Variants in PDE4D observed in about 807,000 individuals in gnomAD.
The protein encoded by PDE4D is phosphodiesterase 4D, also known as 3',5'-cyclic-AMP phosphodiesterase 4D.
In PDE4D, 24 loss-of-function variants were observed where a neutral mutation model predicts 87.4. The observed-to-expected ratio is 0.27, with a 90% CI of 0.20 to 0.39. The LOEUF (loss-of-function observed/expected upper bound fraction) is 0.39, where lower values mean the gene tolerates loss of function less well. PDE4D is among the 10% of genes least tolerant of loss of function. The pLI, the probability that PDE4D is intolerant of heterozygous loss-of-function variation, is 1.00. For missense variants in PDE4D, 714 were observed against 1,041.0 expected, an observed-to-expected ratio of 0.69 and a Z score of 4.32; for synonymous variants, 384 against 383.2, an observed-to-expected ratio of 1.00 and a Z score of -0.02.
At chr5:60,046,282 T>A (rs983392285) in intron 2 of PDE4D, among the ~76,000 whole-genome samples, 3 of 152,154 alleles carry the variant, frequency 2.0e-5, no homozygotes, top group Non-Finnish European at 4.4e-5. Flanking sequence ...ACAATGGGGT[T>A]TTCTAGATAT....
intron 1 of PDE4D, among the ~76,000 whole-genome samples, chr5:59,426,088 G>A (rs1359951138): frequency 3.3e-5 from 5 of 152,094 alleles, no homozygotes; most frequent in Non-Finnish European, 5.9e-5. Flanking sequence ...CGATGCCTGC[G>A]CACAGAGGAA....
At chr5:59,438,560 T>C (rs1349789238) in intron 1 of PDE4D, among the ~76,000 whole-genome samples, 1 of 152,232 alleles carries the variant, frequency 6.6e-6, no homozygotes, top group Non-Finnish European at 1.5e-5. Context: ...CTGAATAGTA[T>C]ACAGCTATTG....
At chr5:59,051,238 T>C (rs368887389) in intron 5 of PDE4D, among the ~76,000 whole-genome samples, 1 of 152,206 alleles carries the variant, frequency 6.6e-6, no homozygotes, top group Admixed American at 6.5e-5. Flanking sequence ...CAGGTGTGTG[T>C]GGCACATGTC....
chr5:59,001,623 T>A (rs756317212), intron 6 of PDE4D, among the ~76,000 whole-genome samples: 162 of 152,132 alleles, frequency 1.1e-3, no homozygotes, highest in Non-Finnish European at 5.6e-4. Flanking sequence ...CCTACTACTC[T>A]CCCTCAACTC....
At chr5:59,233,280 T>G (rs1755652101) in intron 1 of PDE4D, among the ~76,000 whole-genome samples, 1 of 152,202 alleles carries the variant, frequency 6.6e-6, no homozygotes, top group Non-Finnish European at 1.5e-5. Flanking sequence ...TATCCCATTA[T>G]CCTATGTACA....
chr5:59,603,299 C>A (rs954064661), intron 1 of PDE4D, among the ~76,000 whole-genome samples: 1 of 151,836 alleles, frequency 6.6e-6, no homozygotes, highest in African/African-American at 2.4e-5. Flanking sequence ...TCAAACAACT[C>A]AATGGCAAGA....
chr5:60,497,685 G>A (rs1050613890), intron 1 of PDE4D, among the ~76,000 whole-genome samples: 1 of 152,092 alleles, frequency 6.6e-6, no homozygotes, highest in Admixed American at 6.5e-5. Context: ...ATTACAGTGT[G>A]AGTCATGGGG....
At chr5:59,254,647 C>A (rs867103414) in intron 1 of PDE4D, among the ~76,000 whole-genome samples, 1 of 152,032 alleles carries the variant, frequency 6.6e-6, no homozygotes, top group Admixed American at 6.6e-5. Flanking sequence ...ATTTCTTCTT[C>A]TTTACATTAA....
intron 1 of PDE4D, among the ~76,000 whole-genome samples, chr5:59,882,291 T>C (rs886494408): frequency 6.6e-6 from 1 of 152,208 alleles, no homozygotes; most frequent in Non-Finnish European, 1.5e-5. Context: ...CCCTGCCTAC[T>C]GATCATTAGA....
At chr5:59,838,354 C>A (rs978298883) in intron 1 of PDE4D, among the ~76,000 whole-genome samples, 1 of 152,096 alleles carries the variant, frequency 6.6e-6, no homozygotes. Flanking sequence ...GGTTAAGAGA[C>A]CTGCCAAATT....
At chr5:60,337,010 T>G (rs1268614564) in intron 1 of PDE4D, among the ~76,000 whole-genome samples, 2 of 152,034 alleles carry the variant, frequency 1.3e-5, no homozygotes, top group East Asian at 3.9e-4. Context: ...TGTAGAACTA[T>G]GATAACTGCT....
chr5:60,290,854 A>G (rs749034271), intron 1 of PDE4D, among the ~76,000 whole-genome samples: 1 of 152,108 alleles, frequency 6.6e-6, no homozygotes, highest in Non-Finnish European at 1.5e-5. Context: ...AGACATAGAT[A>G]AAGCAAAGGC....
intron 1 of PDE4D, among the ~76,000 whole-genome samples, chr5:60,457,972 A>G (rs1178252189): frequency 1.3e-5 from 2 of 151,956 alleles, no homozygotes; most frequent in Non-Finnish European, 2.9e-5. Flanking sequence ...TATGTATCAG[A>G]CTCTCCACTG....
chr5:59,842,232 G>A (rs1285761230), intron 1 of PDE4D, among the ~76,000 whole-genome samples: 1 of 152,018 alleles, frequency 6.6e-6, no homozygotes, highest in Non-Finnish European at 1.5e-5. Flanking sequence ...AAAATGTTAA[G>A]AAGGCAGAAG....
intron 1 of PDE4D, among the ~76,000 whole-genome samples, chr5:59,670,611 T>C (rs745699177): frequency 4.3e-4 from 65 of 151,378 alleles, no homozygotes; most frequent in Non-Finnish European, 7.8e-4. Context: ...TATTCCAAAA[T>C]CCAAAAAAAA....
chr5:60,314,193 G>A (rs184978608), intron 1 of PDE4D, among the ~76,000 whole-genome samples: 1 of 150,284 alleles, frequency 6.7e-6, no homozygotes, highest in East Asian at 2.0e-4. Flanking sequence ...TTGAGATGGA[G>A]TCTTGCTCTG....
At chr5:59,065,194 A>C (rs533511105) in intron 5 of PDE4D, among the ~76,000 whole-genome samples, 350 of 152,108 alleles carry the variant, frequency 2.3e-3, no homozygotes, top group African/African-American at 7.8e-3. Flanking sequence ...GTTGGATGGA[A>C]CTGGAGGACA....
At chr5:59,191,983 C>G (rs1262672989) in intron 3 of PDE4D, among the ~76,000 whole-genome samples, 1 of 152,104 alleles carries the variant, frequency 6.6e-6, no homozygotes, top group African/African-American at 2.4e-5. Flanking sequence ...AATACAGGTA[C>G]TAGAAAGAAT....
chr5:60,430,545 G>GTT (rs1303120305), intron 1 of PDE4D, among the ~76,000 whole-genome samples: 16 of 116,348 alleles, frequency 1.4e-4, no homozygotes, highest in African/African-American at 6.3e-4. Flanking sequence ...GTTTTTTTTT[G>GTT]TTTGTTTTTT....
Sources: allele counts gnomAD v4.1 joint callset (sites outside exome capture counted in the v4.1 genomes callset), GRCh38; gene constraint gnomAD v4.1.1; transcripts MANE v1.5; gene names NCBI Gene and HGNC (gene_info 2026-07-23, HGNC 2026-07-21).